CNTN1: variants seen among roughly 807,000 people sequenced by gnomAD.
CNTN1 encodes contactin-1.
CNTN1 carries 38 observed loss-of-function variants against 126.4 expected under a neutral mutation model. The ratio of observed to expected loss-of-function variants is 0.30; its 90% CI spans 0.23 to 0.39. The LOEUF is 0.39. Among genes scored for constraint, CNTN1 ranks in the 10% least tolerant of loss-of-function variants. CNTN1 has a pLI of 1.00. For synonymous variants in CNTN1, 413 were observed against 422.6 expected (o/e 0.98, Z 0.28); for missense variants, 1,009 against 1,248.4 (o/e 0.81, Z 2.89).
intron 1 of CNTN1, among the ~76,000 whole-genome samples, chr12:40,833,656 A>G (rs915377013): frequency 2.0e-5 from 3 of 152,210 alleles, no homozygotes; most frequent in Non-Finnish European, 4.4e-5. Flanking sequence ...TCCTATAAAA[A>G]TAAGCTTAAC....
chr12:40,807,521 G>C (rs1592108667), intron 1 of CNTN1, among the ~76,000 whole-genome samples: 1 of 152,034 alleles, frequency 6.6e-6, no homozygotes, highest in Non-Finnish European at 1.5e-5. Flanking sequence ...TGCACCAAAG[G>C]CCAAAGCCTC....
At chr12:40,719,685 T>C (rs1942142256) in intron 1 of CNTN1, among the ~76,000 whole-genome samples, 1 of 152,230 alleles carries the variant, frequency 6.6e-6, no homozygotes, top group African/African-American at 2.4e-5. Context: ...TCAAATGAAA[T>C]ACATAACATG....
intron 5 of CNTN1, among the ~76,000 whole-genome samples, 179 bp from the exon 6 acceptor site, chr12:40,924,378 T>C (rs1030965830): frequency 2.0e-5 from 3 of 152,148 alleles, no homozygotes; most frequent in African/African-American, 7.2e-5. Flanking sequence ...AACTTTTTAA[T>C]AGTCTATACA....
At chr12:40,950,625 G>C (rs535001881) in intron 14 of CNTN1, among the ~76,000 whole-genome samples, 1 of 152,218 alleles carries the variant, frequency 6.6e-6, no homozygotes, top group South Asian at 2.1e-4. Context: ...GAGTTAATTA[G>C]ATAATTCTAT....
intron 19 of CNTN1, among the ~76,000 whole-genome samples, 156 bp downstream of exon 19, chr12:41,017,072 T>C (rs1357020507): frequency 6.6e-6 from 1 of 152,194 alleles, no homozygotes; most frequent in Non-Finnish European, 1.5e-5. Flanking sequence ...AAATTAAACA[T>C]CACCCTCTTC....
intron 19 of CNTN1, among the ~76,000 whole-genome samples, chr12:41,019,582 A>G (rs147915758): frequency 2.6e-5 from 4 of 152,252 alleles, no homozygotes; most frequent in Non-Finnish European, 5.9e-5. Context: ...ACCCCTGCTT[A>G]AAGCCTTCAT....
At chr12:40,741,110 C>T (rs6581931) in intron 1 of CNTN1, among the ~76,000 whole-genome samples, 123,433 of 151,970 alleles carry the variant, frequency 0.81, 50,897 homozygotes, top group East Asian at 0.98. Context: ...ATGAAGTGAC[C>T]TATGGAATAT....
intron 1 of CNTN1, among the ~76,000 whole-genome samples, chr12:40,772,299 T>A (rs921673025): frequency 6.6e-6 from 1 of 152,042 alleles, no homozygotes; most frequent in African/African-American, 2.4e-5. Context: ...TGAACTTTCT[T>A]TGGCTGAAGC....
At chr12:40,778,206 C>G (rs1298245452) in intron 1 of CNTN1, among the ~76,000 whole-genome samples, 1 of 151,830 alleles carries the variant, frequency 6.6e-6, no homozygotes, top group Non-Finnish European at 1.5e-5. Context: ...AAAAAAGTAT[C>G]TTGGCTTCAC....
At chr12:40,977,776 G>GTTTTGTTTTT (rs1947718772) in intron 15 of CNTN1, among the ~76,000 whole-genome samples, 4 of 16,862 alleles carry the variant, frequency 2.4e-4, no homozygotes, top group African/African-American at 1.2e-3. Flanking sequence ...GTTTTGTTTT[G>GTTTTGTTTTT]TTTTGTTTTG....
chr12:41,053,985 A>G (rs1238723500), intron 23 of CNTN1, among the ~76,000 whole-genome samples: 2 of 151,792 alleles, frequency 1.3e-5, no homozygotes, highest in Non-Finnish European at 3.0e-5. Context: ...ACTAATCAAT[A>G]TTCTATAAGC....
At chr12:40,835,794 A>G (rs928028359) in intron 1 of CNTN1, among the ~76,000 whole-genome samples, 3 of 130,746 alleles carry the variant, frequency 2.3e-5, no homozygotes, top group African/African-American at 8.8e-5. Context: ...TCTAAATGCT[A>G]TTTATACACA....
chr12:41,060,199 A>G (rs545879417), intron 23 of CNTN1, among the ~76,000 whole-genome samples: 9 of 152,322 alleles, frequency 5.9e-5, no homozygotes, highest in Admixed American at 1.3e-4. Context: ...AAAGAGAAGC[A>G]AAGCAATAGA....
At chr12:40,846,957 T>G (rs1942531698) in intron 1 of CNTN1, among the ~76,000 whole-genome samples, 1 of 152,176 alleles carries the variant, frequency 6.6e-6, no homozygotes, top group Non-Finnish European at 1.5e-5. Context: ...ATCCTCCGCC[T>G]CCCAGGTTCA....
intron 1 of CNTN1, among the ~76,000 whole-genome samples, chr12:40,744,177 A>G (rs369604675): frequency 6.6e-6 from 1 of 152,056 alleles, no homozygotes; most frequent in Non-Finnish European, 1.5e-5. Flanking sequence ...TAAATAGCAA[A>G]TGCATGTGGG....
chr12:41,019,892 C>T (rs977746899), intron 19 of CNTN1, among the ~76,000 whole-genome samples: 3 of 151,956 alleles, frequency 2.0e-5, no homozygotes, highest in Non-Finnish European at 4.4e-5. Context: ...TCTATAATTC[C>T]AAATTTCCTA....
chr12:41,043,377 G>A (rs1949464146), intron 23 of CNTN1, among the ~76,000 whole-genome samples: 1 of 152,092 alleles, frequency 6.6e-6, no homozygotes, highest in Non-Finnish European at 1.5e-5. Context: ...AGACATTTAT[G>A]CAGCCAAAAA....
chr12:40,935,387 C>G (rs529581336), intron 9 of CNTN1, among the ~76,000 whole-genome samples: 42 of 151,996 alleles, frequency 2.8e-4, no homozygotes, highest in African/African-American at 9.9e-4. Flanking sequence ...TATCTAAAGC[C>G]TTAGAAGAAC....
At chr12:41,027,677 T>C (rs370575134) in intron 21 of CNTN1, among the ~76,000 whole-genome samples, 180 bp from the exon 22 acceptor site, 8 of 152,216 alleles carry the variant, frequency 5.3e-5, no homozygotes, top group African/African-American at 1.4e-4. Flanking sequence ...GGCCATGGGG[T>C]ACATTAAATG....
Sources: gnomAD v4.1 joint callset for allele counts (sites outside exome capture counted in the v4.1 genomes callset) on GRCh38, gnomAD v4.1.1 for gene constraint, MANE v1.5 for transcripts, NCBI Gene and HGNC (gene_info 2026-07-23, HGNC 2026-07-21) for gene names.